Variants in CFAP58 observed in about 807,000 individuals in gnomAD.
The protein encoded by CFAP58 is cilia and flagella associated protein 58, also known as cilia- and flagella-associated protein 58.
Under a neutral mutation model 119.5 loss-of-function variants are expected in CFAP58, and 88 were observed. The observed-to-expected ratio is 0.74, with a 90% confidence interval of 0.62 to 0.88. The LOEUF (loss-of-function observed/expected upper bound fraction) is 0.88, where lower values mean the gene tolerates loss of function less well. CFAP58 is among the 40% of genes least tolerant of loss of function. CFAP58 has a pLI of 0.00. For missense variants in CFAP58, 990 were observed against 1,021.2 expected, an observed-to-expected ratio of 0.97 and a Z score of 0.42; for synonymous variants, 365 against 366.3, an observed-to-expected ratio of 1.00 and a Z score of 0.04.
intron 17 of CFAP58, among the ~76,000 whole-genome samples, chr10:104,452,883 G>A (rs564774557): frequency 8.9e-4 from 136 of 152,236 alleles, no homozygotes; most frequent in Non-Finnish European, 1.4e-3. Context: ...TTCCATCTAC[G>A]TGGGGATCCA....
At chr10:104,340,464 A>G in the CFAP58 span, among the ~76,000 whole-genome samples, 1 of 152,230 alleles carries the variant, frequency 6.6e-6, no homozygotes, top group Non-Finnish European at 1.5e-5. Context: ...CAGAACAGGC[A>G]GTTACTCCTT....
chr10:104,351,644 ATC>A (rs1350312765), upstream of CFAP58: 8 of 152,240 alleles, frequency 5.3e-5, no homozygotes. Context: ...TTAGATCCCT[ATC>A]TCACACCATA....
chr10:104,403,776 G>A lies in CFAP58; in HGVS notation c.2087G>A (p.Arg696His), dbSNP rs765169221. The A allele has an allele frequency of 1.5e-5, 24 of 1,612,772 alleles. No homozygotes were observed. Among genetic ancestry groups the A allele is most frequent in the East Asian group, 4.5e-5 (2 of 44,866 alleles). ...MQRELLKERT[R>H]CRALEEELEN... Reference sequence around the variant, plus strand: ...AGAGAATTGTTGAAGGAGAGGACACGCTGCCGAGCCCTGGAGGAGGAGCTG... The same window carrying A: ...AGAGAATTGTTGAAGGAGAGGACACACTGCCGAGCCCTGGAGGAGGAGCTG... The change falls in exon 14 of 18, where the codon CGC (arginine) becomes CAC (histidine). Residue 696 changes from arginine (R) to histidine (H), a missense_variant. By Grantham distance (29) the Arg-to-His change is conservative (BLOSUM62 0). Transcript: ENST00000369704.
intron 15 of CFAP58, among the ~76,000 whole-genome samples, chr10:104,438,341 G>GTTTTTTTTTTTTTTTT (rs1325921091): frequency 9.9e-6 from 1 of 101,290 alleles, no homozygotes; most frequent in African/African-American, 4.5e-5. Context: ...TTTGTTTTTT[G>GTTTTTTTTTTTTTTTT]TTTTTTGTTT....
chr10:104,374,974 A>G (rs2014873140), intron 7 of CFAP58, among the ~76,000 whole-genome samples: 1 of 151,800 alleles, frequency 6.6e-6, no homozygotes, highest in Non-Finnish European at 1.5e-5. Flanking sequence ...GCACATTTAT[A>G]GTATGGAAAG....
intron 1 of CFAP58, among the ~76,000 whole-genome samples, chr10:104,357,043 C>T (rs1380592476): frequency 6.6e-6 from 1 of 152,144 alleles, no homozygotes; most frequent in Non-Finnish European, 1.5e-5. Context: ...TGGCTTACTC[C>T]AGTCTGAGCT....
intron 15 of CFAP58, among the ~76,000 whole-genome samples, chr10:104,413,440 G>C (rs892800076): frequency 6.6e-6 from 1 of 152,096 alleles, no homozygotes; most frequent in Non-Finnish European, 1.5e-5. Context: ...CTGTATTCTT[G>C]CCAGAATTGG....
At chr10:104,360,678 A>G (rs1007138937) in intron 2 of CFAP58, among the ~76,000 whole-genome samples, 3 of 151,880 alleles carry the variant, frequency 2.0e-5, no homozygotes, top group South Asian at 2.1e-4. Flanking sequence ...ATTCCCCTCT[A>G]TGTGTCCATG....
intron 15 of CFAP58, among the ~76,000 whole-genome samples, chr10:104,420,475 G>A (rs1022494605): frequency 6.6e-6 from 1 of 152,142 alleles, no homozygotes; most frequent in African/African-American, 2.4e-5. Flanking sequence ...CTTCAATTTG[G>A]TTAGCAAGGG....
Position 104,447,781 on chromosome 10 carries a change from C to G in CFAP58, c.2340C>G (p.Tyr780Ter), listed in dbSNP as rs779740638. 6.2e-7 allele frequency: 1 copy of G among 1,614,042 alleles called. No homozygotes were observed. The highest frequency in any genetic ancestry group is 8.5e-7 in the Non-Finnish European group (1 of 1,179,930). The change falls in exon 16 of 18, where the codon TAC (tyrosine) becomes TAG (stop). Residue 780 changes from tyrosine to a stop codon, truncating the protein, a stop_gained. Transcript: ENST00000369704. LOFTEE classifies it high-confidence loss of function. ...GPEAAEQLKLYRRTLHDKKQQ... is the reference protein window; with the variant it reads ...GPEAAEQLKL The stretch of plus-strand genomic sequence containing the variant: ...AGGCTGCGGAACAGCTGAAGCTGTA[C>G]CGACGCACGCTGCATGACAAGAAGC...
intron 15 of CFAP58, among the ~76,000 whole-genome samples, chr10:104,446,817 C>G (rs955805465): frequency 6.6e-6 from 1 of 152,126 alleles, no homozygotes; most frequent in African/African-American, 2.4e-5. Context: ...ACTTTACAAG[C>G]AATTAAACTC....
At chr10:104,349,066 T>C (rs1278034462), upstream of CFAP58, among the ~76,000 whole-genome samples, 1 of 152,092 alleles carries the variant, frequency 6.6e-6, no homozygotes, top group African/African-American at 2.4e-5. Flanking sequence ...GGCTAACACG[T>C]TGAAACTCTG....
upstream of CFAP58, among the ~76,000 whole-genome samples, chr10:104,352,641 A>G (rs1449926296): frequency 2.0e-5 from 3 of 152,232 alleles, no homozygotes; most frequent in East Asian, 5.8e-4. Context: ...TCCTTGGCAT[A>G]TATTTCAGAG....
intron 9 of CFAP58, among the ~76,000 whole-genome samples, chr10:104,390,493 T>G (rs1450073714): frequency 6.6e-6 from 1 of 152,244 alleles, no homozygotes; most frequent in Non-Finnish European, 1.5e-5. Context: ...CTTATTTTGA[T>G]CTGTTTCCTT....
At position 104,357,950 on chromosome 10, in the gene CFAP58, T is replaced by TATACACAC. The variant is rs556245934; in HGVS notation, c.10-388_10-387insCACACATA. On this transcript the variant is annotated intron_variant, in intron 1 of 17. Coordinates refer to ENST00000369704, the MANE Select transcript of CFAP58 (RefSeq NM_001008723.2). ...ACATATACACACATATATGTACACA[T>TATACACAC]ATATACACATATATGTACACATATG... 9.5e-3 allele frequency among the ~76,000 whole-genome samples: 1,179 copies of TATACACAC among 123,646 alleles called. 95 individuals are homozygous for TATACACAC. Among genetic ancestry groups the TATACACAC allele is most frequent in the African/African-American group, 0.051 (1,110 of 21,906 alleles). 81.1% of individuals were successfully genotyped at this position (123,646 alleles called of 152,430 possible).
In CFAP58 at chr10:104,362,172, G is replaced by A. The variant is rs1243157829; in HGVS notation, c.440+1G>A. 6.2e-7 allele frequency: 1 copy of A among 1,611,180 alleles called. No individual in the cohort carries two copies. Among genetic ancestry groups the A allele is most frequent in the Admixed American group, 1.7e-5 (1 of 59,558 alleles). On this transcript the variant is annotated splice_donor_variant, in intron 3 of 17. Transcript: ENST00000369704. LOFTEE classifies it high-confidence loss of function. ...GACTGTCAATGGACCAGCATAGCAA[G>A]TAGGTCATAGCCTTGTTGATGTATG...
rs537091412 is a variant in CFAP58, at chr10:104,434,511, C to A, written c.2257-13187C>A. ...GACCACAGACTGTGGGTTCGAATGG[C>A]ACATGCCATTAGGTTATCTATCTGT... is the stretch of plus-strand genomic sequence containing the variant. On this transcript the variant is annotated intron_variant, in intron 15 of 17. Transcript: ENST00000369704. Among the ~76,000 whole-genome samples the A allele has an allele frequency of 1.8e-3, 277 of 152,276 alleles. 1 individual carries two copies. Among genetic ancestry groups the A allele is most frequent in the African/African-American group, 6.2e-3 (258 of 41,548 alleles).
the CFAP58 span, among the ~76,000 whole-genome samples, chr10:104,344,601 C>T: frequency 1.3e-5 from 2 of 150,794 alleles, no homozygotes; most frequent in African/African-American, 5.0e-5. Flanking sequence ...GAAAATATTT[C>T]TTAATGTGGT....
chr10:104,350,346 A>G (rs111487642), upstream of CFAP58, among the ~76,000 whole-genome samples: 367 of 152,318 alleles, frequency 2.4e-3, 3 homozygotes, highest in African/African-American at 7.7e-3. Flanking sequence ...GAGGACTTTG[A>G]TACTATAATG....
Sources: gnomAD v4.1 joint callset for allele counts (sites outside exome capture counted in the v4.1 genomes callset) on GRCh38, gnomAD v4.1.1 for gene constraint, MANE v1.5 for transcripts, NCBI Gene and HGNC (gene_info 2026-07-23, HGNC 2026-07-21) for gene names.